The following DIAPH2 variants were observed in gnomAD, a reference collection of about 807,000 sequenced individuals.
DIAPH2 encodes diaphanous related formin 2.
In DIAPH2, 35 loss-of-function variants were observed where a neutral mutation model predicts 92.7. The observed-to-expected ratio is 0.38, with a 90% CI of 0.29 to 0.50. The LOEUF (loss-of-function observed/expected upper bound fraction) is 0.50. Among genes scored for constraint, DIAPH2 ranks in the 20% least tolerant of loss-of-function variants. The pLI, the probability that DIAPH2 is intolerant of heterozygous loss-of-function variation, is 0.94. For missense variants in DIAPH2, 701 were observed against 819.5 expected, an observed-to-expected ratio of 0.86 and a Z score of 1.77; for synonymous variants, 301 against 280.4, an observed-to-expected ratio of 1.07 and a Z score of -0.73.
chrX:97,256,073 G>T (rs1474193557), intron 23 of DIAPH2, among the ~76,000 whole-genome samples: 1 of 112,235 alleles, frequency 8.9e-6, no homozygotes, highest in African/African-American at 3.2e-5. Context: ...TTGTCTGAAA[G>T]AGTTAATGTA....
intron 17 of DIAPH2, among the ~76,000 whole-genome samples, chrX:96,997,867 T>G (rs1407112596): frequency 8.9e-6 from 1 of 112,395 alleles, no homozygotes; most frequent in Admixed American, 9.4e-5. Context: ...ATGTCACACT[T>G]TTAATATTCC....
chrX:97,310,881 G>A (rs1032513985), intron 23 of DIAPH2, among the ~76,000 whole-genome samples: 3 of 111,564 alleles, frequency 2.7e-5, no homozygotes, highest in African/African-American at 9.8e-5. Flanking sequence ...ATGGTGGCAG[G>A]CGCCTGTAAT....
rs767491170 is a variant in DIAPH2 at position 97,590,389 on chromosome X, T to C, written c.3242-8864T>C. 2.7e-5 allele frequency among the ~76,000 whole-genome samples: 3 copies of C among 111,835 alleles called. No homozygotes were observed. The Admixed American group carries it at 2.9e-4, about 11-fold the overall frequency. Reference sequence around the variant, plus strand: ...GTTAAAAACAAAAAGAGTAGATACATGGTCTTAGAGTGATTCAGAAACAAA... The same window carrying C: ...GTTAAAAACAAAAAGAGTAGATACACGGTCTTAGAGTGATTCAGAAACAAA... On this transcript the variant is annotated intron_variant, in intron 26 of 26. Transcript: ENST00000324765.
chrX:97,256,079 A>ATGT (rs2068233870), intron 23 of DIAPH2, among the ~76,000 whole-genome samples: 1 of 112,441 alleles, frequency 8.9e-6, no homozygotes, highest in Non-Finnish European at 1.9e-5. Flanking sequence ...GAAAGAGTTA[A>ATGT]TGTACCCTCA....
chrX:97,445,603 G>T (rs1480392388), intron 26 of DIAPH2, among the ~76,000 whole-genome samples: 5 of 104,706 alleles, frequency 4.8e-5, no homozygotes, highest in Non-Finnish European at 9.8e-5. Context: ...ATTGTTTTTT[G>T]TTGTTTTTTT....
chrX:97,115,527 C>G (rs1257721353), intron 21 of DIAPH2, among the ~76,000 whole-genome samples: 1 of 111,197 alleles, frequency 9.0e-6, no homozygotes, highest in Non-Finnish European at 1.9e-5. Flanking sequence ...CAGAGCAAGA[C>G]TCTGTCTCAA....
At chrX:97,577,388 C>G (rs1205634955) in intron 26 of DIAPH2, among the ~76,000 whole-genome samples, 1 of 112,200 alleles carries the variant, frequency 8.9e-6, no homozygotes, top group East Asian at 2.8e-4. Flanking sequence ...GAGGCTCATT[C>G]TCTGCCATCC....
chrX:97,305,362 G>A (rs1388014741), intron 23 of DIAPH2, among the ~76,000 whole-genome samples: 2 of 110,161 alleles, frequency 1.8e-5, no homozygotes, highest in Admixed American at 9.8e-5. Flanking sequence ...GCGTGGTGGC[G>A]GGCGCCTGTA....
At chrX:97,378,490 A>G (rs993108295) in intron 24 of DIAPH2, among the ~76,000 whole-genome samples, 1 of 111,438 alleles carries the variant, frequency 9.0e-6, no homozygotes, top group East Asian at 2.8e-4. Context: ...CCTGGGCAAC[A>G]TAGCTGGGCT....
chrX:97,580,872 T>A (rs1215470687), intron 26 of DIAPH2, among the ~76,000 whole-genome samples: 3 of 104,171 alleles, frequency 2.9e-5, no homozygotes, highest in African/African-American at 1.0e-4. Flanking sequence ...ATTCAGAGAT[T>A]CAACTTCTTC....
At chrX:97,124,943 G>A (rs1005285899) in intron 21 of DIAPH2, among the ~76,000 whole-genome samples, 7 of 111,191 alleles carry the variant, frequency 6.3e-5, no homozygotes, top group Non-Finnish European at 1.3e-4. Context: ...TTAGGGGAAG[G>A]ACCAAGGAAA....
At chrX:96,776,987 T>G (rs2064381790) in intron 4 of DIAPH2, among the ~76,000 whole-genome samples, 1 of 112,243 alleles carries the variant, frequency 8.9e-6, no homozygotes, top group Non-Finnish European at 1.9e-5. Flanking sequence ...TTCTACCACT[T>G]TTTGTAGCTA....
At chrX:97,445,540 C>G (rs941449802) in intron 26 of DIAPH2, among the ~76,000 whole-genome samples, 1 of 110,306 alleles carries the variant, frequency 9.1e-6, no homozygotes, top group Non-Finnish European at 1.9e-5. Context: ...GTCACAGTCT[C>G]CTGAGTAGCT....
intron 22 of DIAPH2, among the ~76,000 whole-genome samples, chrX:97,153,549 C>T (rs1372374790): frequency 9.0e-6 from 1 of 111,332 alleles, no homozygotes; most frequent in African/African-American, 3.3e-5. Flanking sequence ...TACACCACTG[C>T]ACTCCAGCCT....
chrX:97,570,116 AT>A (rs1569426214), intron 26 of DIAPH2, among the ~76,000 whole-genome samples: 7 of 28,513 alleles, frequency 2.5e-4, no homozygotes, highest in African/African-American at 5.7e-4. Flanking sequence ...ATATATATAT[AT>A]ATATATTAGA....
chrX:97,531,818 G>A (rs2071062137), intron 26 of DIAPH2, among the ~76,000 whole-genome samples: 1 of 112,071 alleles, frequency 8.9e-6, no homozygotes, highest in Non-Finnish European at 1.9e-5. Context: ...TACATTTTAC[G>A]TGTCCTAAAT....
intron 23 of DIAPH2, among the ~76,000 whole-genome samples, chrX:97,250,780 T>A (rs889344362): frequency 8.9e-6 from 1 of 111,948 alleles, no homozygotes. Flanking sequence ...AAAACGATAC[T>A]GTCAGTGTTA....
At chrX:97,469,130 T>C (rs1257434640) in intron 26 of DIAPH2, among the ~76,000 whole-genome samples, 2 of 112,007 alleles carry the variant, frequency 1.8e-5, no homozygotes, top group Non-Finnish European at 3.8e-5. Flanking sequence ...GAAAATATAC[T>C]CTATTAAATA....
intron 17 of DIAPH2, among the ~76,000 whole-genome samples, chrX:97,067,774 A>T (rs766837519): frequency 8.9e-6 from 1 of 111,967 alleles, no homozygotes; most frequent in African/African-American, 3.2e-5. Context: ...TTGTTGAAAT[A>T]TATAGCTGTA....
Sources: allele counts gnomAD v4.1 joint callset (sites outside exome capture counted in the v4.1 genomes callset), GRCh38; gene constraint gnomAD v4.1.1; transcripts MANE v1.5; gene names NCBI Gene and HGNC (gene_info 2026-07-23, HGNC 2026-07-21).